The following UTRN variants were observed in gnomAD, a reference collection of about 807,000 sequenced individuals.
UTRN encodes utrophin, also known as dystrophin-related protein 1.
A neutral mutation model predicts 463.9 loss-of-function variants in UTRN; 283 were observed. That is an observed-to-expected ratio of 0.61 (90% CI 0.55 to 0.67). The LOEUF is 0.67. Ranked by LOEUF, UTRN falls within the 30% of genes least tolerant of loss-of-function variation. The pLI is 0.00. For synonymous variants in UTRN, 1,442 were observed against 1,431.5 expected, an observed-to-expected ratio of 1.01 and a Z score of -0.17; for missense variants, 3,922 against 4,084.3, an observed-to-expected ratio of 0.96 and a Z score of 1.08.
intron 2 of UTRN, among the ~76,000 whole-genome samples, chr6:144,386,900 A>G (rs913090922): frequency 4.6e-5 from 7 of 152,300 alleles, no homozygotes; most frequent in Non-Finnish European, 7.4e-5. Flanking sequence ...AAAAAAAACC[A>G]AAAACCACTT....
chr6:144,318,062 A>AT lies in UTRN; in HGVS notation c.79+26165dup, dbSNP rs959095415. Among the ~76,000 whole-genome samples, 93 of 148,528 alleles carry AT rather than the reference A, an allele frequency of 6.3e-4. 1 individual carries two copies. The Middle Eastern group carries it at 0.017, about 28-fold the overall frequency. Reference sequence around the variant, plus strand: ...TCGGCTTAGGTACTCTGCTTGTAGGATTTTTTTTTTAACACCCTGTGATAT... The same window carrying AT: ...TCGGCTTAGGTACTCTGCTTGTAGGATTTTTTTTTTTAACACCCTGTGATAT... On this transcript the variant is annotated intron_variant, in intron 2 of 74. Transcript: ENST00000367545.
At chr6:144,637,056 C>T (rs1279902395) in intron 51 of UTRN, among the ~76,000 whole-genome samples, 2 of 152,226 alleles carry the variant, frequency 1.3e-5, no homozygotes, top group Admixed American at 1.3e-4. Flanking sequence ...GCAACCTCTG[C>T]TGCCTGGGCT....
At chr6:144,476,787 A>G (rs920802289) in intron 25 of UTRN, among the ~76,000 whole-genome samples, 1 of 152,306 alleles carries the variant, frequency 6.6e-6, no homozygotes, top group Non-Finnish European at 1.5e-5. Context: ...GGGTCAATGA[A>G]CTGGTGGGAA....
intron 41 of UTRN, among the ~76,000 whole-genome samples, chr6:144,529,116 C>T (rs1254602435): frequency 1.3e-5 from 2 of 152,172 alleles, no homozygotes; most frequent in Admixed American, 6.5e-5. Context: ...AGTTTCCATG[C>T]AGCCCACGGC....
intron 2 of UTRN, among the ~76,000 whole-genome samples, chr6:144,384,696 C>G (rs1048560150): frequency 6.6e-6 from 1 of 152,196 alleles, no homozygotes; most frequent in African/African-American, 2.4e-5. Context: ...ACTTAGCACA[C>G]TGTCCTCCAT....
At chr6:144,577,369 T>C in intron 51 of UTRN, 81 bp downstream of exon 51, 1 of 1,424,506 alleles carries the variant, frequency 7.0e-7, no homozygotes, top group Non-Finnish European at 9.6e-7. Context: ...GTGTTACCCT[T>C]AAAAGGTGAA....
intron 39 of UTRN, among the ~76,000 whole-genome samples, chr6:144,520,267 T>C (rs1795974986): frequency 6.6e-6 from 1 of 152,210 alleles, no homozygotes; most frequent in African/African-American, 2.4e-5. Flanking sequence ...TCTTCCAAAA[T>C]AAAAACACTG....
intron 7 of UTRN, 149 bp downstream of exon 7, chr6:144,426,608 TATC>T (rs1562380881): frequency 1.2e-6 from 1 of 856,192 alleles, no homozygotes; most frequent in South Asian, 2.8e-5. Flanking sequence ...AGAAAAGAAA[TATC>T]ATGGAAGAAA....
At chr6:144,635,831 G>A (rs1049636717) in intron 51 of UTRN, among the ~76,000 whole-genome samples, 1 of 151,890 alleles carries the variant, frequency 6.6e-6, no homozygotes, top group Non-Finnish European at 1.5e-5. Context: ...GAGCCATCGT[G>A]CCCAGCCTAG....
intron 50 of UTRN, among the ~76,000 whole-genome samples, chr6:144,559,811 A>G (rs965830019): frequency 5.3e-5 from 8 of 152,060 alleles, no homozygotes; most frequent in African/African-American, 7.2e-5. Context: ...AGAAATAACC[A>G]TTTATTACCT....
chr6:144,466,234 C>T (rs760416112), intron 23 of UTRN, among the ~76,000 whole-genome samples: 3 of 152,238 alleles, frequency 2.0e-5, no homozygotes, highest in Admixed American at 6.5e-5. Flanking sequence ...TTCATTGATA[C>T]AGCACATTTA....
chr6:144,373,195 G>A (rs1780156016), intron 2 of UTRN, among the ~76,000 whole-genome samples: 1 of 152,072 alleles, frequency 6.6e-6, no homozygotes, highest in Non-Finnish European at 1.5e-5. Flanking sequence ...GAAAACATAT[G>A]TTCACACAAA....
chr6:144,742,958 C>G (rs1162864139), intron 54 of UTRN, among the ~76,000 whole-genome samples: 1 of 152,046 alleles, frequency 6.6e-6, no homozygotes, highest in Non-Finnish European at 1.5e-5. Flanking sequence ...ATTACCATAC[C>G]TGAAATGACT....
chr6:144,827,458 T>C (rs1780287149), intron 67 of UTRN, 72 bp downstream of exon 67: 10 of 1,607,430 alleles, frequency 6.2e-6, no homozygotes, highest in Non-Finnish European at 7.7e-6. Context: ...CTTACTAAAC[T>C]CTTGGTCTAA....
Position 144,751,905 on chromosome 6 carries a change from A to G in UTRN, c.8308A>G (p.Met2770Val), listed in dbSNP as rs780202227. 1.9e-6 allele frequency: 3 copies of G among 1,611,722 alleles called. No individual in the cohort carries two copies. The highest frequency in any genetic ancestry group is 1.7e-5 in the Admixed American group (1 of 59,688). ...ACTTGACCTGCATCCCTCTCTAAAGATGTCTCGCCAGCTAGATGACCTTAA... is the reference window on the plus strand; with the variant it reads ...ACTTGACCTGCATCCCTCTCTAAAGGTGTCTCGCCAGCTAGATGACCTTAA... ...SPLDLHPSLK[M>V]SRQLDDLNMR... is the part of the protein sequence containing the mutation. Residue 2770 changes from methionine to valine, a missense_variant, in exon 56 of 75, where the codon ATG becomes GTG. Met to Val is a conservative substitution (Grantham distance 21). Coordinates refer to ENST00000367545, the MANE Select transcript of UTRN (RefSeq NM_007124.3).
intron 22 of UTRN, among the ~76,000 whole-genome samples, chr6:144,462,371 T>C (rs1424007365): frequency 2.0e-5 from 3 of 152,198 alleles, no homozygotes; most frequent in Admixed American, 2.0e-4. Flanking sequence ...GCAATGAACA[T>C]AGTGTGCATA....
chr6:144,433,740 A>G (rs1291391442), intron 9 of UTRN, among the ~76,000 whole-genome samples: 1 of 147,166 alleles, frequency 6.8e-6, no homozygotes, highest in Non-Finnish European at 1.5e-5. Context: ...ACATCTCAGA[A>G]GATGGGCAGT....
intron 3 of UTRN, among the ~76,000 whole-genome samples, chr6:144,411,529 A>C (rs1783896306): frequency 6.6e-6 from 1 of 152,046 alleles, no homozygotes; most frequent in South Asian, 2.1e-4. Flanking sequence ...TTATCATCCC[A>C]GATTTTATCA....
At position 144,555,471 on chromosome 6, in the gene UTRN, C is replaced by T. The variant is rs113783766; in HGVS notation, c.7134+578C>T. 6.6e-5 allele frequency among the ~76,000 whole-genome samples: 10 copies of T among 152,266 alleles called. 1 individual carries two copies. The highest frequency in any genetic ancestry group is 1.4e-4 in the African/African-American group (6 of 41,540). On this transcript the variant is annotated intron_variant, in intron 49 of 74. Transcript: ENST00000367545. ...TATTGGAGACATTGTCTCACTCTGC[C>T]GCCCAGGCTGGAATGCAGTGGCACT...
Sources: allele counts gnomAD v4.1 joint callset (sites outside exome capture counted in the v4.1 genomes callset), GRCh38; gene constraint gnomAD v4.1.1; transcripts MANE v1.5; gene names NCBI Gene and HGNC (gene_info 2026-07-23, HGNC 2026-07-21).